The following PSPC1 variants were observed in gnomAD, a reference collection of about 807,000 sequenced individuals.
The protein encoded by PSPC1 is paraspeckle component 1.
Under a neutral mutation model 51.6 loss-of-function variants are expected in PSPC1, and 14 were observed. The ratio of observed to expected loss-of-function variants is 0.27; its 90% confidence interval spans 0.18 to 0.42. PSPC1 has a LOEUF of 0.42. Among genes scored for constraint, PSPC1 ranks in the 10% least tolerant of loss-of-function variants. The pLI is 1.00. For missense variants in PSPC1, 406 were observed against 701.1 expected, an observed-to-expected ratio of 0.58 and a Z score of 4.75; for synonymous variants, 193 against 231.9, an observed-to-expected ratio of 0.83 and a Z score of 1.53.
intron 2 of PSPC1, among the ~76,000 whole-genome samples, chr13:19,763,299 G>C (rs1432642451): frequency 6.6e-6 from 1 of 152,134 alleles, no homozygotes; most frequent in African/African-American, 2.4e-5. Flanking sequence ...GGGATTATAG[G>C]CATGAGTGAC....
chr13:19,701,300 AGAATTATAT>A (rs1879876667), downstream of PSPC1, among the ~76,000 whole-genome samples: 1 of 151,446 alleles, frequency 6.6e-6, no homozygotes, highest in South Asian at 2.1e-4. Flanking sequence ...AAATTACCTG[AGAATTATAT>A]GAATAAAATA....
chr13:19,774,212 G>C (rs981965819), intron 1 of PSPC1, among the ~76,000 whole-genome samples: 1 of 152,110 alleles, frequency 6.6e-6, no homozygotes, highest in African/African-American at 2.4e-5. Context: ...ATAAGGAACT[G>C]GTAAATTTAA....
chr13:19,694,122 CAAAAAAAAAAA>C (rs71092389), intron 6 of PSPC1, among the ~76,000 whole-genome samples: 46 of 47,474 alleles, frequency 9.7e-4, no homozygotes, highest in African/African-American at 3.6e-3. Context: ...GACTCCATCT[CAAAAAAAAAAA>C]AAAAAAAAAA....
intron 6 of PSPC1, among the ~76,000 whole-genome samples, chr13:19,689,145 C>A (rs764043028): frequency 9.9e-5 from 15 of 152,166 alleles, no homozygotes; most frequent in Non-Finnish European, 2.1e-4. Context: ...AAGAGCACAT[C>A]CAACCCAGAG....
intron 6 of PSPC1, among the ~76,000 whole-genome samples, chr13:19,713,346 T>C (rs556465517): frequency 6.6e-5 from 10 of 152,172 alleles, no homozygotes; most frequent in African/African-American, 2.4e-4. Flanking sequence ...CTCTATGAAG[T>C]AGGCCTACTG....
At chr13:19,751,765 A>T (rs1386077526) in intron 3 of PSPC1, among the ~76,000 whole-genome samples, 2 of 152,076 alleles carry the variant, frequency 1.3e-5, no homozygotes, top group African/African-American at 4.8e-5. Flanking sequence ...CAGTCAACAA[A>T]ATACTTTACA....
intron 3 of PSPC1, among the ~76,000 whole-genome samples, chr13:19,755,794 T>C (rs1051809369): frequency 3.3e-5 from 5 of 152,258 alleles, no homozygotes; most frequent in African/African-American, 1.2e-4. Context: ...GGTTCAAGGT[T>C]TGGTCCTTTG....
chr13:19,677,758 T>C (rs764625503), exon 7 of PSPC1: 2 of 480,162 alleles, frequency 4.2e-6, no homozygotes, highest in South Asian at 3.0e-5. Context: ...CTTCTGGTCT[T>C]AACTCTTCTG....
At chr13:19,684,544 T>TA (rs1402509115) in intron 6 of PSPC1, among the ~76,000 whole-genome samples, 1 of 152,206 alleles carries the variant, frequency 6.6e-6, no homozygotes, top group Non-Finnish European at 1.5e-5. Flanking sequence ...TAAAACCATT[T>TA]AAAAAATAGC....
chr13:19,708,596 C>G (rs1165734621), intron 7 of PSPC1, among the ~76,000 whole-genome samples: 1 of 152,174 alleles, frequency 6.6e-6, no homozygotes, highest in East Asian at 1.9e-4. Context: ...ACTAAAGTTG[C>G]TAATATGCTT....
chr13:19,677,040 C>G (rs752425041), intron 7 of PSPC1, among the ~76,000 whole-genome samples: 1 of 152,194 alleles, frequency 6.6e-6, no homozygotes, highest in South Asian at 2.1e-4. Context: ...CGAGACCATC[C>G]TGGCTAACAC....
At chr13:19,689,767 T>C (rs1252604272) in intron 6 of PSPC1, among the ~76,000 whole-genome samples, 1 of 152,224 alleles carries the variant, frequency 6.6e-6, no homozygotes, top group Non-Finnish European at 1.5e-5. Flanking sequence ...CTGAGTAATG[T>C]CTACCATATA....
chr13:19,756,582 C>T (rs2138175495), intron 3 of PSPC1, among the ~76,000 whole-genome samples: 1 of 152,070 alleles, frequency 6.6e-6, no homozygotes, highest in Non-Finnish European at 1.5e-5. Flanking sequence ...TCACCACAAC[C>T]TCCGCCTCCT....
At chr13:19,680,677 G>C (rs1877169732) in intron 6 of PSPC1, among the ~76,000 whole-genome samples, 1 of 152,134 alleles carries the variant, frequency 6.6e-6, no homozygotes, top group Admixed American at 6.5e-5. Flanking sequence ...AAGTATAACT[G>C]TAACAACTAT....
chr13:19,736,217 AAGATTGTAAC>A lies in PSPC1; in HGVS notation c.1052+5338_1052+5347del, dbSNP rs1291781074. ...AACTCCCCAGCCACCAGGAAAAACT[AAGATTGTAAC>A]AGATTTATTACTGCCTGTATTTACT... On this transcript the variant is annotated intron_variant, in intron 5 of 8. Transcript: ENST00000338910. Among the ~76,000 whole-genome samples, 8 of 152,290 alleles carry A rather than the reference AAGATTGTAAC, an allele frequency of 5.3e-5. No individual in the cohort carries two copies. In the South Asian group the frequency reaches 1.2e-3, roughly 24 times the overall value.
intron 2 of PSPC1, among the ~76,000 whole-genome samples, chr13:19,763,619 A>T (rs1001746871): frequency 1.3e-5 from 2 of 152,312 alleles, no homozygotes; most frequent in Non-Finnish European, 2.9e-5. Context: ...GTAAAATGGG[A>T]TATCAGTGCA....
At chr13:19,710,652 A>G (rs1881273224) in intron 6 of PSPC1, among the ~76,000 whole-genome samples, 1 of 152,206 alleles carries the variant, frequency 6.6e-6, no homozygotes, top group African/African-American at 2.4e-5. Flanking sequence ...TGGAAACGTA[A>G]TTGCCATTAA....
chr13:19,758,844 A>AC (rs1329786097), intron 3 of PSPC1, among the ~76,000 whole-genome samples: 4 of 151,682 alleles, frequency 2.6e-5, no homozygotes, highest in Admixed American at 1.3e-4. Flanking sequence ...TCAAAAACAA[A>AC]AAAAAAAAAA....
intron 2 of PSPC1, among the ~76,000 whole-genome samples, chr13:19,760,414 G>A (rs80234535): frequency 6.6e-6 from 1 of 151,874 alleles, no homozygotes. Context: ...TGTAGTCCCA[G>A]CTACTCAGGA....
Sources: gnomAD v4.1 joint callset for allele counts (sites outside exome capture counted in the v4.1 genomes callset) on GRCh38, gnomAD v4.1.1 for gene constraint, MANE v1.5 for transcripts, NCBI Gene and HGNC (gene_info 2026-07-23, HGNC 2026-07-21) for gene names.